PRIM2: variants seen among roughly 807,000 people sequenced by gnomAD.
PRIM2 encodes DNA primase large subunit.
PRIM2 carries 39 observed loss-of-function variants against 67.3 expected under a neutral mutation model. The ratio of observed to expected loss-of-function variants is 0.58; its 90% CI spans 0.45 to 0.76. The LOEUF (loss-of-function observed/expected upper bound fraction) is 0.76. PRIM2 is among the 30% of genes least tolerant of loss of function. The probability of loss-of-function intolerance (pLI) is 0.00; values close to 1 mark genes in which losing one functional copy is unlikely to be tolerated. For missense variants in PRIM2, 398 were observed against 598.7 expected, an observed-to-expected ratio of 0.66 and a Z score of 3.50; for synonymous variants, 143 against 198.7, an observed-to-expected ratio of 0.72 and a Z score of 2.36.
chr6:57,280,770 G>A, the PRIM2 span, among the ~76,000 whole-genome samples: 2 of 152,074 alleles, frequency 1.3e-5, no homozygotes, highest in South Asian at 4.2e-4. Flanking sequence ...GCCTCCCAAA[G>A]TGCTGGGATT....
At chr6:57,441,294 C>T (rs1772196072) in intron 7 of PRIM2, among the ~76,000 whole-genome samples, 1 of 152,182 alleles carries the variant, frequency 6.6e-6, no homozygotes, top group African/African-American at 2.4e-5. Flanking sequence ...ATGGTTCAGA[C>T]CTTTTTTCCC....
At chr6:57,365,408 T>A (rs1237852948) in intron 5 of PRIM2, among the ~76,000 whole-genome samples, 4 of 151,522 alleles carry the variant, frequency 2.6e-5, no homozygotes, top group Admixed American at 2.6e-4. Context: ...GTTCTTTAAT[T>A]ATTAGCGGAA....
intron 12 of PRIM2, among the ~76,000 whole-genome samples, chr6:57,627,706 C>G (rs1776976026): frequency 6.6e-6 from 1 of 152,018 alleles, no homozygotes; most frequent in Non-Finnish European, 1.5e-5. Context: ...TTTTTCTTAG[C>G]CTTTTGATTA....
chr6:57,567,082 G>A (rs1277543623), intron 10 of PRIM2, among the ~76,000 whole-genome samples: 1 of 152,064 alleles, frequency 6.6e-6, no homozygotes, highest in Non-Finnish European at 1.5e-5. Flanking sequence ...AAATAAAACT[G>A]TCCCATGGCT....
chr6:57,423,867 G>T (rs982103827), intron 7 of PRIM2, among the ~76,000 whole-genome samples: 1 of 152,150 alleles, frequency 6.6e-6, no homozygotes, highest in African/African-American at 2.4e-5. Flanking sequence ...GAGTTTTAAG[G>T]GTCCAGGTCT....
chr6:57,269,249 A>G, the PRIM2 span, among the ~76,000 whole-genome samples: 11 of 151,916 alleles, frequency 7.2e-5, no homozygotes, highest in Non-Finnish European at 1.2e-4. Flanking sequence ...CAGTCCCACC[A>G]ACAGTGTAAA....
chr6:57,582,171 G>T (rs1289936121), intron 10 of PRIM2, among the ~76,000 whole-genome samples: 25 of 152,198 alleles, frequency 1.6e-4, no homozygotes, highest in African/African-American at 5.8e-4. Flanking sequence ...CTTAGGGTTA[G>T]ACCCTCTGTT....
At chr6:57,376,584 A>G (rs1769772656) in intron 5 of PRIM2, among the ~76,000 whole-genome samples, 1 of 152,218 alleles carries the variant, frequency 6.6e-6, no homozygotes, top group Admixed American at 6.5e-5. Context: ...ACACAGAGGC[A>G]TACACAAAAG....
At chr6:57,308,029 C>T in the PRIM2 span, among the ~76,000 whole-genome samples, 8 of 152,002 alleles carry the variant, frequency 5.3e-5, no homozygotes, top group South Asian at 2.1e-4. Flanking sequence ...TCATCCATGT[C>T]GATATGCTTA....
rs1273038380 is a variant in PRIM2 at position 57,538,072 on chromosome 6, A to G, written c.1020+447A>G. On this transcript the variant is annotated intron_variant, in intron 10 of 13. Coordinates refer to ENST00000615550, the MANE Select transcript of PRIM2 (RefSeq NM_000947.5). ...GTTGCCCAGGCTGGGCTGGAGTGCA[A>G]TGGTGCAATCATGGCTCACTGCAGC... Among the ~76,000 whole-genome samples, 211 of 152,014 alleles carry G rather than the reference A, an allele frequency of 1.4e-3. 5 individuals are homozygous for G. In the East Asian group the frequency reaches 0.019, roughly 14 times the overall value.
At chr6:57,534,920 C>A (rs1362609132) in intron 9 of PRIM2, among the ~76,000 whole-genome samples, 1 of 152,184 alleles carries the variant, frequency 6.6e-6, no homozygotes, top group Non-Finnish European at 1.5e-5. Flanking sequence ...TACCTCTCCC[C>A]TAATCACACT....
intron 7 of PRIM2, among the ~76,000 whole-genome samples, chr6:57,405,204 C>T (rs1204766677): frequency 6.6e-6 from 1 of 152,272 alleles, no homozygotes; most frequent in African/African-American, 2.4e-5. Context: ...GACACGTCTA[C>T]TCTCATACAG....
At chr6:57,501,928 A>G (rs1362248485) in intron 7 of PRIM2, among the ~76,000 whole-genome samples, 1 of 152,084 alleles carries the variant, frequency 6.6e-6, no homozygotes, top group Non-Finnish European at 1.5e-5. Context: ...TTCACTGTAA[A>G]CGACTTTGAA....
At position 57,603,979 on chromosome 6, in the gene PRIM2, G is replaced by C. The variant is rs1305714516; in HGVS notation, c.1148-2396G>C. On this transcript the variant is annotated intron_variant, in intron 11 of 13. Coordinates refer to ENST00000615550, the MANE Select transcript of PRIM2 (RefSeq NM_000947.5). ...ACAGAATTGTGTTTTTGATTTGGCT[G>C]TCAGCTTGAACATTGTTGGTATGTA... Among the ~76,000 whole-genome samples, 9 of 152,214 alleles carry C rather than the reference G, an allele frequency of 5.9e-5. No homozygotes were observed. In the East Asian group the frequency reaches 9.7e-4, roughly 16 times the overall value.
intron 7 of PRIM2, among the ~76,000 whole-genome samples, chr6:57,496,129 T>A (rs1233770869): frequency 6.6e-6 from 1 of 152,206 alleles, no homozygotes; most frequent in Non-Finnish European, 1.5e-5. Context: ...AAAATGATAG[T>A]GTATATTTAC....
At chr6:57,625,772 G>C (rs1461386559) in intron 12 of PRIM2, among the ~76,000 whole-genome samples, 1 of 152,206 alleles carries the variant, frequency 6.6e-6, no homozygotes, top group Non-Finnish European at 1.5e-5. Flanking sequence ...AAAAATTCTT[G>C]ACATATAATG....
At chr6:57,529,112 C>T (rs1774830238) in intron 8 of PRIM2, among the ~76,000 whole-genome samples, 1 of 152,110 alleles carries the variant, frequency 6.6e-6, no homozygotes, top group Non-Finnish European at 1.5e-5. Flanking sequence ...AGATCAACAC[C>T]ATCCTAGCTA....
At chr6:57,236,296 C>T in the PRIM2 span, among the ~76,000 whole-genome samples, 19 of 151,830 alleles carry the variant, frequency 1.3e-4, no homozygotes, top group Non-Finnish European at 8.8e-5. Context: ...GGTCCATGTT[C>T]TCTTCACTCA....
chr6:57,500,324 C>T (rs1179781666), intron 7 of PRIM2, among the ~76,000 whole-genome samples: 1 of 152,208 alleles, frequency 6.6e-6, no homozygotes, highest in African/African-American at 2.4e-5. Context: ...AGTCAGTTTT[C>T]ACTCTCTGCC....
Sources: gnomAD v4.1 joint callset for allele counts (sites outside exome capture counted in the v4.1 genomes callset) on GRCh38, gnomAD v4.1.1 for gene constraint, MANE v1.5 for transcripts, NCBI Gene and HGNC (gene_info 2026-07-23, HGNC 2026-07-21) for gene names.